The following ABI3BP variants were observed in gnomAD, a reference collection of about 807,000 sequenced individuals.
ABI3BP encodes the protein target of Nesh-SH3.
Under a neutral mutation model 268.6 loss-of-function variants are expected in ABI3BP, and 216 were observed. The observed-to-expected ratio is 0.80, with a 90% CI of 0.72 to 0.90. The LOEUF (loss-of-function observed/expected upper bound fraction) is 0.90, where lower values mean the gene tolerates loss of function less well. ABI3BP is among the 40% of genes least tolerant of loss of function. The pLI, the probability that ABI3BP is intolerant of heterozygous loss-of-function variation, is 0.00. For synonymous variants in ABI3BP, 730 were observed against 730.0 expected (o/e 1.00, Z 0.00); for missense variants, 2,090 against 2,182.4 (o/e 0.96, Z 0.84).
At chr3:100,923,130 A>G (rs980188137) in intron 2 of ABI3BP, among the ~76,000 whole-genome samples, 8 of 152,324 alleles carry the variant, frequency 5.3e-5, no homozygotes, top group African/African-American at 1.9e-4. Flanking sequence ...ATGAGGTAAG[A>G]GTTTTAAAAA....
At chr3:100,851,147 C>G (rs992918579) in intron 15 of ABI3BP, among the ~76,000 whole-genome samples, 5 of 152,030 alleles carry the variant, frequency 3.3e-5, no homozygotes, top group African/African-American at 1.2e-4. Flanking sequence ...ATATCTATAC[C>G]TGGCAGAAAC....
chr3:100,845,422 T>C (rs193074659), intron 20 of ABI3BP, among the ~76,000 whole-genome samples: 2 of 152,314 alleles, frequency 1.3e-5, no homozygotes, highest in Admixed American at 1.3e-4. Flanking sequence ...CACCTGGAAA[T>C]CTCACTGCTT....
intron 35 of ABI3BP, 97 bp from the exon 36 acceptor site, chr3:100,825,038 G>GA: frequency 1.0e-6 from 1 of 991,872 alleles, no homozygotes; most frequent in East Asian, 2.6e-5. Context: ...TATAGTTCCA[G>GA]AAACTTTAGT....
intron 1 of ABI3BP, among the ~76,000 whole-genome samples, chr3:100,971,283 T>G (rs2083457337): frequency 6.6e-6 from 1 of 152,204 alleles, no homozygotes; most frequent in African/African-American, 2.4e-5. Flanking sequence ...AAGAAATTCT[T>G]CCATTATAAT....
At chr3:100,910,339 C>A (rs1226587120) in intron 2 of ABI3BP, among the ~76,000 whole-genome samples, 1 of 152,152 alleles carries the variant, frequency 6.6e-6, no homozygotes, top group Non-Finnish European at 1.5e-5. Context: ...AGCAAACCAC[C>A]ATGGCACTTG....
Position 100,780,175 on chromosome 3 carries a change from A to G in ABI3BP, c.4197T>C (p.Asp1399=). The change falls in exon 58 of 68, where the codon GAT becomes GAC. Residue 1399 remains aspartate (D), a synonymous_variant. Transcript: ENST00000471714. ...GGGTAGAGTCCACTGATACATTTCT[A>G]TCAGCACCTGATGGCCTGGGTGCTT... is the stretch of plus-strand genomic sequence containing the variant. ...VKQAPRPSGA[D]RNVSVDSTHP... The G allele has an allele frequency of 1.2e-6, 2 of 1,613,074 alleles. No homozygotes were observed. The highest frequency in any genetic ancestry group is 1.7e-6 in the Non-Finnish European group (2 of 1,179,260).
At chr3:100,808,041 A>T (rs2097761672) in intron 50 of ABI3BP, 120 bp downstream of exon 50, 1 of 859,126 alleles carries the variant, frequency 1.2e-6, no homozygotes, top group South Asian at 1.5e-5. Context: ...GTTACAGAGG[A>T]AGACTTGTTT....
rs144604645 is a variant in ABI3BP, at chr3:100,869,330, G to GTTTTTTTTTTTTTTTTTTTTTTTTTTTTT, written c.911-2375_911-2374insAAAAAAAAAAAAAAAAAAAAAAAAAAAAA. Among the ~76,000 whole-genome samples, 15 of 49,758 alleles carry GTTTTTTTTTTTTTTTTTTTTTTTTTTTTT rather than the reference G, an allele frequency of 3.0e-4. 1 individual carries two copies. Among genetic ancestry groups the GTTTTTTTTTTTTTTTTTTTTTTTTTTTTT allele is most frequent in the East Asian group, 7.7e-4 (1 of 1,294 alleles). 32.6% of individuals were successfully genotyped at this position (49,758 alleles called of 152,430 possible). A position where few individuals can be genotyped will look rare whatever the true frequency, so the allele number is the denominator to read the frequency against. On this transcript the variant is annotated intron_variant, in intron 9 of 67. Coordinates refer to ENST00000471714, the MANE Select transcript of ABI3BP (RefSeq NM_001375547.2). ...ATATTGTTTTTTCTTCTTCTTTTTG[G>GTTTTTTTTTTTTTTTTTTTTTTTTTTTTT]TTTTTTTTTTTTTTTTTTTTTTTTT...
intron 9 of ABI3BP, among the ~76,000 whole-genome samples, chr3:100,873,101 C>G (rs892736541): frequency 2.0e-5 from 3 of 152,180 alleles, no homozygotes; most frequent in African/African-American, 7.2e-5. Flanking sequence ...CTAACGAGAA[C>G]TTAAGAGCTT....
intron 1 of ABI3BP, among the ~76,000 whole-genome samples, chr3:100,992,554 A>C (rs1162115281): frequency 6.6e-6 from 1 of 152,264 alleles, no homozygotes. Flanking sequence ...GTGCCTCTGC[A>C]GAGAAACAAA....
intron 2 of ABI3BP, among the ~76,000 whole-genome samples, chr3:100,902,918 G>A (rs1182570097): frequency 6.6e-6 from 1 of 152,166 alleles, no homozygotes; most frequent in Non-Finnish European, 1.5e-5. Flanking sequence ...TGAGGGAGAA[G>A]TCTTAAAATA....
intron 31 of ABI3BP, 91 bp downstream of exon 31, chr3:100,832,173 G>T: frequency 8.0e-7 from 1 of 1,244,816 alleles, no homozygotes; most frequent in Non-Finnish European, 1.1e-6. Context: ...GATATATAGG[G>T]CACAACACAA....
At chr3:100,833,284 C>T (rs1560574994) in intron 29 of ABI3BP, 127 bp from the exon 30 acceptor site, 1 of 810,950 alleles carries the variant, frequency 1.2e-6, no homozygotes, top group Non-Finnish European at 1.9e-6. Context: ...ACAAAGCAAA[C>T]ATTTTGAAGT....
chr3:100,975,988 G>T (rs1330658920), intron 1 of ABI3BP, among the ~76,000 whole-genome samples: 1 of 152,084 alleles, frequency 6.6e-6, no homozygotes, highest in Admixed American at 6.6e-5. Context: ...TTTATGTTTT[G>T]TTATATGCTT....
At chr3:100,978,058 C>G (rs556472688) in intron 1 of ABI3BP, among the ~76,000 whole-genome samples, 1 of 152,278 alleles carries the variant, frequency 6.6e-6, no homozygotes, top group South Asian at 2.1e-4. Context: ...TATCCAAAGA[C>G]CAACACTCCT....
At chr3:100,992,839 T>C (rs1280219415) in intron 1 of ABI3BP, among the ~76,000 whole-genome samples, 1 of 152,192 alleles carries the variant, frequency 6.6e-6, no homozygotes, top group African/African-American at 2.4e-5. Flanking sequence ...CTGACCTGCC[T>C]AGACTCCCTC....
chr3:100,820,293 T>A lies in ABI3BP; in HGVS notation c.2958A>T (p.Thr986=), dbSNP rs1406850682. Residue 986 remains threonine, a synonymous_variant, in exon 40 of 68, where the codon ACA becomes ACT. Coordinates refer to ENST00000471714, the MANE Select transcript of ABI3BP (RefSeq NM_001375547.2). The part of the protein sequence containing the change: ...ETWVTTQAPK[T]SQRTRRPRPK... ...GACGTGGACGACGAGTTCGTTGTGA[T>A]GTTTTAGGAGCTGAAGAAAGAAAAC... is the stretch of plus-strand genomic sequence containing the variant. 1 of 1,535,936 alleles carries A rather than the reference T, an allele frequency of 6.5e-7. No individual in the cohort carries two copies.
At chr3:100,964,714 C>T (rs1181713223) in intron 1 of ABI3BP, among the ~76,000 whole-genome samples, 5 of 152,166 alleles carry the variant, frequency 3.3e-5, no homozygotes, top group African/African-American at 9.7e-5. Flanking sequence ...CAAGAGGCAC[C>T]CAACAGCCCA....
chr3:100,869,038 T>G (rs2099081216), intron 9 of ABI3BP, among the ~76,000 whole-genome samples: 1 of 152,100 alleles, frequency 6.6e-6, no homozygotes, highest in African/African-American at 2.4e-5. Flanking sequence ...TGTTCTCTTC[T>G]CCTTCCAGGG....
Sources: gnomAD v4.1 joint callset for allele counts (sites outside exome capture counted in the v4.1 genomes callset) on GRCh38, gnomAD v4.1.1 for gene constraint, MANE v1.5 for transcripts, NCBI Gene and HGNC (gene_info 2026-07-23, HGNC 2026-07-21) for gene names.